The following PID1 variants were observed in gnomAD, a reference collection of about 807,000 sequenced individuals.
PID1 encodes the protein PTB-containing, cubilin and LRP1-interacting protein.
PID1 carries 10 observed loss-of-function variants against 19.1 expected under a neutral mutation model. The ratio of observed to expected loss-of-function variants is 0.52; its 90% confidence interval spans 0.32 to 0.89. The LOEUF is 0.89. Ranked by LOEUF, PID1 falls within the 40% of genes least tolerant of loss-of-function variation. The pLI is 0.03. For synonymous variants in PID1, 130 were observed against 116.0 expected, an observed-to-expected ratio of 1.12 and a Z score of -0.78; for missense variants, 248 against 285.3, an observed-to-expected ratio of 0.87 and a Z score of 0.94.
chr2:229,243,045 T>C (rs1412441362), intron 1 of PID1, among the ~76,000 whole-genome samples: 3 of 152,106 alleles, frequency 2.0e-5, no homozygotes, highest in African/African-American at 4.8e-5. Flanking sequence ...GACTGGGCAA[T>C]GTACAAAAGA....
intron 1 of PID1, among the ~76,000 whole-genome samples, chr2:229,220,905 T>C (rs1691954009): frequency 6.6e-6 from 1 of 151,566 alleles, no homozygotes; most frequent in Non-Finnish European, 1.5e-5. Flanking sequence ...GATATTTTAG[T>C]GAAAAAAAAA....
intron 1 of PID1, among the ~76,000 whole-genome samples, chr2:229,250,395 C>A (rs576712609): frequency 1.6e-4 from 25 of 152,272 alleles, no homozygotes; most frequent in Non-Finnish European, 2.9e-4. Context: ...CATCTGATAC[C>A]ATATCAGACC....
At chr2:229,068,987 G>T (rs1694390371) in intron 2 of PID1, among the ~76,000 whole-genome samples, 1 of 152,080 alleles carries the variant, frequency 6.6e-6, no homozygotes, top group South Asian at 2.1e-4. Context: ...CTGCCCAGCA[G>T]CCCAGTGTCT....
intron 2 of PID1, among the ~76,000 whole-genome samples, chr2:229,046,832 A>G (rs1419157698): frequency 6.6e-6 from 1 of 152,202 alleles, no homozygotes; most frequent in East Asian, 1.9e-4. Context: ...AATCCCAGCA[A>G]TTTAAACTCA....
At chr2:229,161,716 C>T (rs1009853762) in intron 1 of PID1, among the ~76,000 whole-genome samples, 3 of 152,174 alleles carry the variant, frequency 2.0e-5, no homozygotes, top group Admixed American at 1.3e-4. Context: ...CGAGGTACTG[C>T]CAAATGAAAT....
At chr2:229,253,531 A>G (rs1240846573) in intron 1 of PID1, among the ~76,000 whole-genome samples, 1 of 150,846 alleles carries the variant, frequency 6.6e-6, no homozygotes. Flanking sequence ...TAAAATGAGG[A>G]TTATCTTCAT....
At chr2:229,190,772 C>A (rs1229341581) in intron 1 of PID1, among the ~76,000 whole-genome samples, 1 of 150,792 alleles carries the variant, frequency 6.6e-6, no homozygotes, top group Admixed American at 6.6e-5. Context: ...TTTGTTTTTT[C>A]TGTCTCATTC....
At chr2:229,051,898 C>A (rs1694004043) in intron 2 of PID1, among the ~76,000 whole-genome samples, 1 of 152,118 alleles carries the variant, frequency 6.6e-6, no homozygotes, top group Non-Finnish European at 1.5e-5. Flanking sequence ...TTCTTCACAT[C>A]CTGTCTAAAG....
intron 2 of PID1, among the ~76,000 whole-genome samples, chr2:229,130,505 G>A (rs1412248092): frequency 2.0e-5 from 3 of 152,220 alleles, no homozygotes; most frequent in Non-Finnish European, 4.4e-5. Context: ...CATTTGTTGA[G>A]TGGTGATTTG....
intron 1 of PID1, among the ~76,000 whole-genome samples, chr2:229,265,595 T>C (rs1198164020): frequency 6.6e-6 from 1 of 152,236 alleles, no homozygotes; most frequent in Admixed American, 6.5e-5. Context: ...TCTACTTATA[T>C]AAAGCCTCTG....
At chr2:229,242,616 T>C (rs1281383606) in intron 1 of PID1, among the ~76,000 whole-genome samples, 1 of 152,114 alleles carries the variant, frequency 6.6e-6, no homozygotes, top group African/African-American at 2.4e-5. Flanking sequence ...CCAAAGTCAC[T>C]GCTTTAGATG....
chr2:229,173,212 C>T (rs1224299600), intron 1 of PID1, among the ~76,000 whole-genome samples: 1 of 152,204 alleles, frequency 6.6e-6, no homozygotes, highest in Non-Finnish European at 1.5e-5. Flanking sequence ...GACTAGATAT[C>T]AACCTACATG....
At chr2:229,072,429 G>T (rs895581902) in intron 2 of PID1, among the ~76,000 whole-genome samples, 1 of 151,918 alleles carries the variant, frequency 6.6e-6, no homozygotes, top group African/African-American at 2.4e-5. Context: ...TCTACTAAAA[G>T]ATACAAAAAT....
At chr2:229,106,256 A>C (rs952463813) in intron 2 of PID1, among the ~76,000 whole-genome samples, 1 of 152,188 alleles carries the variant, frequency 6.6e-6, no homozygotes, top group Non-Finnish European at 1.5e-5. Context: ...TATCACTCAT[A>C]AAAATCCAGT....
intron 1 of PID1, among the ~76,000 whole-genome samples, chr2:229,249,557 A>G (rs1052617706): frequency 2.0e-5 from 3 of 152,218 alleles, no homozygotes; most frequent in Admixed American, 6.5e-5. Context: ...ATGAACAAAG[A>G]CCCAGCCCTC....
At chr2:229,172,875 G>A (rs1690738980) in intron 1 of PID1, among the ~76,000 whole-genome samples, 1 of 152,114 alleles carries the variant, frequency 6.6e-6, no homozygotes, top group South Asian at 2.1e-4. Flanking sequence ...GGGATTACAA[G>A]TGCGTGCCAC....
intron 1 of PID1, among the ~76,000 whole-genome samples, chr2:229,220,393 G>C (rs1691940857): frequency 6.6e-6 from 1 of 152,134 alleles, no homozygotes; most frequent in Admixed American, 6.6e-5. Flanking sequence ...CAAAAGGACT[G>C]TACAACTGAT....
chr2:229,155,572 C>CAAA (rs1212516661), intron 2 of PID1, among the ~76,000 whole-genome samples: 2 of 99,812 alleles, frequency 2.0e-5, no homozygotes, highest in South Asian at 3.4e-4. Flanking sequence ...GACTCCGTCT[C>CAAA]AAAAAAAAAC....
In PID1 at chr2:229,227,908, T is replaced by C; in HGVS notation, c.30+43106A>G. The C allele has an allele frequency of 8.8e-6, 4 of 452,348 alleles. 1 individual carries two copies. The highest frequency in any genetic ancestry group is 6.2e-5 in the South Asian group (4 of 64,118). The allele number at this position is 452,348 out of a possible 1,614,324, so 28.0% of individuals were successfully genotyped here. On this transcript the variant is annotated intron_variant, in intron 1 of 2. Coordinates refer to ENST00000392055, the MANE Select transcript of PID1 (RefSeq NM_001100818.2). The stretch of plus-strand genomic sequence containing the variant: ...AGTAATCTAGAGATGATGGAAAATA[T>C]ACAGGAGGGTGTGCATCAGTTGTAT...
Sources: allele counts gnomAD v4.1 joint callset (sites outside exome capture counted in the v4.1 genomes callset), GRCh38; gene constraint gnomAD v4.1.1; transcripts MANE v1.5; gene names NCBI Gene and HGNC (gene_info 2026-07-23, HGNC 2026-07-21).